Variants in CDCP1 observed in about 807,000 individuals in gnomAD.
CDCP1 encodes the protein CUB domain containing protein 1.
CDCP1 carries 29 observed loss-of-function variants against 60.2 expected under a neutral mutation model. The ratio of observed to expected loss-of-function variants is 0.48; its 90% CI spans 0.36 to 0.66. The LOEUF (loss-of-function observed/expected upper bound fraction) is 0.66, where lower values mean the gene tolerates loss of function less well. Ranked by LOEUF, CDCP1 falls within the 30% of genes least tolerant of loss-of-function variation. The pLI is 0.00. For synonymous variants in CDCP1, 387 were observed against 431.1 expected (o/e 0.90, Z 1.27); for missense variants, 876 against 1,074.3 (o/e 0.82, Z 2.58).
chr3:45,129,182 C>T (rs2126005390), intron 1 of CDCP1, among the ~76,000 whole-genome samples: 1 of 152,334 alleles, frequency 6.6e-6, no homozygotes, highest in South Asian at 2.1e-4. Flanking sequence ...ATCAAAGACA[C>T]ATGCCATATG....
rs1698186666 is a variant in CDCP1, at chr3:45,086,019, G to A, written c.2130C>T (p.Asn710=). ...GCTGCCTCGGCATCTCAGTATTGAT[G>A]TTGTCATTGTAGATACCCACAGCGG... The part of the protein sequence containing the change: ...KGPAVGIYND[N]INTEMPRQPK... Residue 710 remains asparagine (N), a synonymous_variant, in exon 9 of 9, where the codon AAC becomes AAT. Transcript: ENST00000296129. The A allele has an allele frequency of 6.2e-7, 1 of 1,614,032 alleles. No homozygotes were observed. Among genetic ancestry groups the A allele is most frequent in the African/African-American group, 1.3e-5 (1 of 74,906 alleles).
chr3:45,139,914 A>G (rs543550760), intron 1 of CDCP1, among the ~76,000 whole-genome samples: 1 of 152,318 alleles, frequency 6.6e-6, no homozygotes, highest in South Asian at 2.1e-4. Context: ...GCTTCATCTT[A>G]CCACCTCTGC....
chr3:45,141,984 A>C (rs1178515102), intron 1 of CDCP1, among the ~76,000 whole-genome samples: 5 of 151,986 alleles, frequency 3.3e-5, no homozygotes, highest in Non-Finnish European at 1.5e-5. Context: ...GGTGTGTACC[A>C]CCATGTTTGG....
rs1226283405 is a variant in CDCP1 at position 45,125,622 on chromosome 3, C to A, written c.83-7001G>T. ...ACAACTACTACTAGCAGCGATGGGG[C>A]ACCATTGAAGGGTGCTAAGCAGACA... On this transcript the variant is annotated intron_variant, in intron 1 of 8. Coordinates refer to ENST00000296129, the MANE Select transcript of CDCP1 (RefSeq NM_022842.5). Among the ~76,000 whole-genome samples, 3 of 152,166 alleles carry A rather than the reference C, an allele frequency of 2.0e-5. No individual in the cohort carries two copies. In the East Asian group the frequency reaches 5.8e-4, roughly 29 times the overall value.
At position 45,089,098 on chromosome 3, in the gene CDCP1, T is replaced by C. The variant is rs781469616; in HGVS notation, c.2037A>G (p.Leu679=). The C allele has an allele frequency of 1.9e-6, 3 of 1,614,148 alleles. No homozygotes were observed. The highest frequency in any genetic ancestry group is 2.2e-5 in the East Asian group (1 of 44,876). ...ILIAAVGGGV[L]LLSALGLIIC... is the part of the protein sequence containing the mutation. The stretch of plus-strand genomic sequence containing the variant: ...TGATGAGCCCGAGGGCAGACAGCAG[T>C]AAGACTCCACCTCCCACCGCTGCGA... The change falls in exon 8 of 9, where the codon TTA becomes TTG. Residue 679 remains leucine (L), a synonymous_variant. Transcript: ENST00000296129.
In CDCP1 at chr3:45,091,953, C is replaced by CT. The variant is rs1211965116; in HGVS notation, c.1628-416_1628-415insA. ...GGACTACAGGCATGAGCCACCATGA[C>CT]CGGCTAATTTTTTGTATTTTTAGTA... On this transcript the variant is annotated intron_variant, in intron 6 of 8. Transcript: ENST00000296129. This position sits in a 1 kb window ranked among gnomAD's most constrained non-coding sequence, Gnocchi z 4.8. 3.9e-5 allele frequency among the ~76,000 whole-genome samples: 6 copies of CT among 152,128 alleles called. No individual in the cohort carries two copies. Among genetic ancestry groups the CT allele is most frequent in the Admixed American group, 3.9e-4 (6 of 15,264 alleles).
intron 5 of CDCP1, 126 bp downstream of exon 5, chr3:45,095,221 A>G (rs964842522): frequency 2.4e-6 from 2 of 835,850 alleles, no homozygotes; most frequent in Non-Finnish European, 3.8e-6. Context: ...GGCGTGAGCC[A>G]TCGTGCCCGG....
chr3:45,131,329 G>T (rs181165595), intron 1 of CDCP1, among the ~76,000 whole-genome samples: 1 of 152,018 alleles, frequency 6.6e-6, no homozygotes, highest in South Asian at 2.1e-4. Context: ...CATTTTAACC[G>T]TTTTAAAGTG....
chr3:45,121,685 G>C (rs887692237), intron 1 of CDCP1, among the ~76,000 whole-genome samples: 5 of 152,188 alleles, frequency 3.3e-5, no homozygotes, highest in Non-Finnish European at 1.5e-5. Context: ...ATGGGGAGAG[G>C]GAATGGAGTA....
At position 45,125,212 on chromosome 3, in the gene CDCP1, T is replaced by C. The variant is rs116688514; in HGVS notation, c.83-6591A>G. Among the ~76,000 whole-genome samples, 1,055 of 152,292 alleles carry C rather than the reference T, an allele frequency of 6.9e-3. 12 individuals carry two copies. The highest frequency in any genetic ancestry group is 0.023 in the African/African-American group (964 of 41,562). On this transcript the variant is annotated intron_variant, in intron 1 of 8. Transcript: ENST00000296129. ...AATCATGGCTTCCTTGGAGCCACTC[T>C]GGGGAGTTTGATTTGGCCAGAGTTT...
intron 1 of CDCP1, among the ~76,000 whole-genome samples, chr3:45,138,739 C>T (rs1699232925): frequency 6.6e-6 from 1 of 152,112 alleles, no homozygotes; most frequent in South Asian, 2.1e-4. Context: ...ATCCCAACTA[C>T]TCAGGAGGCT....
intron 1 of CDCP1, among the ~76,000 whole-genome samples, chr3:45,121,119 T>C (rs950729883): frequency 4.6e-5 from 7 of 152,224 alleles, no homozygotes; most frequent in Admixed American, 6.5e-5. Context: ...CGCATTTAAT[T>C]TCTCATAGAC....
intron 1 of CDCP1, among the ~76,000 whole-genome samples, chr3:45,134,875 C>G (rs1308901643): frequency 6.6e-6 from 1 of 152,160 alleles, no homozygotes; most frequent in Non-Finnish European, 1.5e-5. Flanking sequence ...CCATTACAGA[C>G]AGCTCTCCAA....
chr3:45,117,274 G>C (rs1698809183), intron 2 of CDCP1, among the ~76,000 whole-genome samples: 2 of 152,054 alleles, frequency 1.3e-5, no homozygotes, highest in Admixed American at 1.3e-4. Context: ...TATTTCCTAT[G>C]TCAATCTTCT....
chr3:45,115,712 A>T (rs115159831), intron 2 of CDCP1, among the ~76,000 whole-genome samples: 2,739 of 148,968 alleles, frequency 0.018, 83 homozygotes, highest in African/African-American at 0.064. Context: ...TTTTTTTTTT[A>T]AATTTTTTTA....
At chr3:45,105,885 A>G (rs1350868269) in intron 4 of CDCP1, among the ~76,000 whole-genome samples, 1 of 152,196 alleles carries the variant, frequency 6.6e-6, no homozygotes, top group Non-Finnish European at 1.5e-5. Flanking sequence ...GGAGCACTTA[A>G]AAACAAGATT....
intron 2 of CDCP1, among the ~76,000 whole-genome samples, chr3:45,112,668 T>C (rs1156860626): frequency 6.6e-6 from 1 of 152,206 alleles, no homozygotes; most frequent in East Asian, 1.9e-4. Context: ...GGAGCTGCCT[T>C]GAACCAGAAA....
chr3:45,125,592 A>C (rs1698963797), intron 1 of CDCP1, among the ~76,000 whole-genome samples: 1 of 152,244 alleles, frequency 6.6e-6, no homozygotes, highest in East Asian at 1.9e-4. Context: ...CAATGATAGC[A>C]TATTACAACT....
At chr3:45,128,598 C>T (rs1366801952) in intron 1 of CDCP1, among the ~76,000 whole-genome samples, 1 of 152,182 alleles carries the variant, frequency 6.6e-6, no homozygotes, top group Non-Finnish European at 1.5e-5. Flanking sequence ...TTAGTCAATC[C>T]AACTTGTTGG....
Sources: allele counts gnomAD v4.1 joint callset (sites outside exome capture counted in the v4.1 genomes callset), GRCh38; gene constraint gnomAD v4.1.1; non-coding constraint Gnocchi (gnomAD v3.1); transcripts MANE v1.5; gene names NCBI Gene and HGNC (gene_info 2026-07-23, HGNC 2026-07-21).